SLC36A1: variants seen among roughly 807,000 people sequenced by gnomAD.
SLC36A1 encodes the protein proton-coupled amino acid transporter 1.
In SLC36A1, 30 loss-of-function variants were observed where a neutral mutation model predicts 47.5. That is an observed-to-expected ratio of 0.63 (90% CI 0.47 to 0.86). The LOEUF (loss-of-function observed/expected upper bound fraction) is 0.86. Ranked by LOEUF, SLC36A1 falls within the 40% of genes least tolerant of loss-of-function variation. SLC36A1 has a pLI of 0.00. For synonymous variants in SLC36A1, 255 were observed against 249.7 expected (o/e 1.02, Z -0.20); for missense variants, 517 against 606.0 (o/e 0.85, Z 1.54).
the SLC36A1 span, chr5:151,545,605 T>C: frequency 6.2e-7 from 1 of 1,614,098 alleles, no homozygotes. Flanking sequence ...GTCATGGACA[T>C]AGACACAGAA....
chr5:151,382,407 C>A, the SLC36A1 span: 1 of 671,570 alleles, frequency 1.5e-6, no homozygotes, highest in Non-Finnish European at 2.7e-6. Flanking sequence ...TGACTCCAGG[C>A]AAGCTCCTTG....
the SLC36A1 span, among the ~76,000 whole-genome samples, chr5:151,345,610 G>A: frequency 1.3e-4 from 19 of 146,696 alleles, no homozygotes; most frequent in African/African-American, 4.3e-4. Context: ...CCACATCGCT[G>A]ACCGAGCACT....
chr5:151,390,566 C>T, the SLC36A1 span, among the ~76,000 whole-genome samples: 2 of 152,168 alleles, frequency 1.3e-5, no homozygotes, highest in Admixed American at 6.5e-5. Flanking sequence ...TTTAGTCCAT[C>T]TTGAATTAAT....
the SLC36A1 span, chr5:151,507,724 T>C: frequency 1.0e-6 from 1 of 961,014 alleles, no homozygotes; most frequent in Non-Finnish European, 1.5e-6. Context: ...CCATCTCCCG[T>C]TTTTCACCCC....
At chr5:151,386,589 C>T in the SLC36A1 span, among the ~76,000 whole-genome samples, 3 of 152,266 alleles carry the variant, frequency 2.0e-5, no homozygotes, top group East Asian at 5.8e-4. Flanking sequence ...CCTCTCACTG[C>T]ATGGGTGTCT....
the SLC36A1 span, among the ~76,000 whole-genome samples, chr5:151,377,375 G>A: frequency 1.4e-5 from 2 of 139,006 alleles, no homozygotes; most frequent in African/African-American, 5.5e-5. Context: ...TTGAGACGGA[G>A]TTTCGCTCTG....
the SLC36A1 span, among the ~76,000 whole-genome samples, chr5:151,394,291 G>C: frequency 6.6e-6 from 1 of 152,144 alleles, no homozygotes; most frequent in South Asian, 2.1e-4. Flanking sequence ...GGTTATTCTA[G>C]TTAGCCATTT....
chr5:151,450,143 T>C (rs998543609), intron 1 of SLC36A1, among the ~76,000 whole-genome samples: 2 of 151,780 alleles, frequency 1.3e-5, no homozygotes, highest in Non-Finnish European at 2.9e-5. Context: ...ATGGAGCCGA[T>C]GTCCACTTAC....
chr5:151,372,520 T>C, the SLC36A1 span, among the ~76,000 whole-genome samples: 1 of 152,152 alleles, frequency 6.6e-6, no homozygotes, highest in East Asian at 1.9e-4. Flanking sequence ...TACAATGCAC[T>C]GCGTCCTGGA....
At chr5:151,495,951 A>T (rs992608346), downstream of SLC36A1, among the ~76,000 whole-genome samples, 1 of 152,200 alleles carries the variant, frequency 6.6e-6, no homozygotes, top group East Asian at 1.9e-4. Flanking sequence ...TTTAGTTATT[A>T]CAAATAAAGT....
At position 151,459,265 on chromosome 5, in the gene SLC36A1, A is replaced by G. The variant is rs76982225; in HGVS notation, c.143+330A>G. On this transcript the variant is annotated intron_variant, in intron 2 of 10. Coordinates refer to ENST00000243389, the MANE Select transcript of SLC36A1 (RefSeq NM_078483.4). ...GAACCCCAAATAATTTCCAAGCATA[A>G]TCGGAAGCTTCCTTTGCAAAGTCTC... Among the ~76,000 whole-genome samples, 76 of 152,302 alleles carry G rather than the reference A, an allele frequency of 5.0e-4. No individual in the cohort carries two copies. In the East Asian group the frequency reaches 8.1e-3, roughly 16 times the overall value.
chr5:151,490,722 C>T lies in SLC36A1; in HGVS notation c.*2468C>T, dbSNP rs1760036636. ...TGACAGACTGATTGCGTGGCTCTTT[C>T]AGAAGACCCAGGAAGGGCAGCTCCA... On this transcript the variant is annotated 3_prime_UTR_variant, in exon 11 of 11. Coordinates refer to ENST00000243389, the MANE Select transcript of SLC36A1 (RefSeq NM_078483.4). The T allele has an allele frequency of 6.6e-6, 1 of 152,242 alleles. No individual in the cohort carries two copies. The highest frequency in any genetic ancestry group is 2.4e-5 in the African/African-American group (1 of 41,462). 9.4% of individuals were successfully genotyped at this position (152,242 alleles called of 1,614,324 possible).
the SLC36A1 span, among the ~76,000 whole-genome samples, chr5:151,393,446 T>C: frequency 4.5e-3 from 686 of 152,342 alleles, 7 homozygotes; most frequent in African/African-American, 0.016. Flanking sequence ...CCTGTCATTA[T>C]GATGTTAGCT....
At chr5:151,486,111 G>A (rs549338637) in intron 10 of SLC36A1, among the ~76,000 whole-genome samples, 1 of 152,328 alleles carries the variant, frequency 6.6e-6, no homozygotes, top group South Asian at 2.1e-4. Flanking sequence ...GGCTGTACAG[G>A]AAGTGTGATG....
At chr5:151,366,576 G>T in the SLC36A1 span, 1 of 223,990 alleles carries the variant, frequency 4.5e-6, no homozygotes. Flanking sequence ...GGCACAGGAT[G>T]ATGAGGGGCA....
intron 1 of SLC36A1, among the ~76,000 whole-genome samples, chr5:151,453,872 ATTTAT>A (rs1402557104): frequency 6.6e-6 from 1 of 151,608 alleles, no homozygotes; most frequent in African/African-American, 2.4e-5. Flanking sequence ...ATAGAATAAA[ATTTAT>A]TTTATTTTTA....
At chr5:151,493,010 A>G (rs1760231345), downstream of SLC36A1, among the ~76,000 whole-genome samples, 1 of 152,110 alleles carries the variant, frequency 6.6e-6, no homozygotes, top group Admixed American at 6.6e-5. Flanking sequence ...CTGTGTTCAC[A>G]TATGTGTGTG....
the SLC36A1 span, chr5:151,542,179 C>A: frequency 9.0e-7 from 1 of 1,105,936 alleles, no homozygotes; most frequent in South Asian, 1.5e-5. Flanking sequence ...CAAGGTCACA[C>A]TGCTAATAAG....
chr5:151,393,625 T>C, the SLC36A1 span, among the ~76,000 whole-genome samples: 1 of 152,222 alleles, frequency 6.6e-6, no homozygotes, highest in Non-Finnish European at 1.5e-5. Context: ...CAGCATTTGC[T>C]TGTCTGTAAA....
Sources: gnomAD v4.1 joint callset for allele counts (sites outside exome capture counted in the v4.1 genomes callset) on GRCh38, gnomAD v4.1.1 for gene constraint, MANE v1.5 for transcripts, NCBI Gene and HGNC (gene_info 2026-07-23, HGNC 2026-07-21) for gene names.